TENM2: variants seen among roughly 807,000 people sequenced by gnomAD.
TENM2 encodes teneurin-2.
A neutral mutation model predicts 245.2 loss-of-function variants in TENM2; 52 were observed. The observed-to-expected ratio is 0.21, with a 90% CI of 0.17 to 0.27. The LOEUF is 0.27. Among genes scored for constraint, TENM2 ranks in the 10% least tolerant of loss-of-function variants. TENM2 has a pLI of 1.00. For missense variants in TENM2, 3,046 were observed against 3,666.8 expected, an observed-to-expected ratio of 0.83 and a Z score of 4.37; for synonymous variants, 1,363 against 1,438.9, an observed-to-expected ratio of 0.95 and a Z score of 1.19.
At chr5:167,570,607 T>TA (rs139594697) in intron 2 of TENM2, among the ~76,000 whole-genome samples, 4,369 of 152,248 alleles carry the variant, frequency 0.029, 206 homozygotes, top group African/African-American at 0.099. Context: ...AAGGCGGTGT[T>TA]ACGATCTCTG....
At chr5:168,195,384 TC>T in intron 15 of TENM2, 89 bp downstream of exon 17, 1 of 1,468,342 alleles carries the variant, frequency 6.8e-7, no homozygotes, top group Non-Finnish European at 9.2e-7. Context: ...ACCACAGGAT[TC>T]CCCCTGGTGG....
At chr5:167,698,672 G>GTTTTTT (rs1561683344) in intron 2 of TENM2, among the ~76,000 whole-genome samples, 14 of 102,082 alleles carry the variant, frequency 1.4e-4, no homozygotes, top group African/African-American at 5.4e-4. Context: ...GTTTTGTTTT[G>GTTTTTT]TTTTTTGTTT....
chr5:167,639,970 G>A (rs576539718), intron 2 of TENM2, among the ~76,000 whole-genome samples: 1 of 152,158 alleles, frequency 6.6e-6, no homozygotes, highest in Non-Finnish European at 1.5e-5. Flanking sequence ...TTGCATCTAT[G>A]ATTTGTCACC....
intron 2 of TENM2, among the ~76,000 whole-genome samples, chr5:167,690,189 T>C (rs1757335363): frequency 6.6e-6 from 1 of 151,150 alleles, no homozygotes; most frequent in East Asian, 1.9e-4. Context: ...ATGCTGTATA[T>C]GATCACTTCC....
At chr5:168,125,488 C>G (rs142569688) in intron 11 of TENM2, among the ~76,000 whole-genome samples, 147 of 152,260 alleles carry the variant, frequency 9.7e-4, no homozygotes, top group African/African-American at 3.4e-3. Context: ...TCGCGCTGTA[C>G]ACTTCATTTT....
intron 13 of TENM2, among the ~76,000 whole-genome samples, chr5:168,172,525 C>G (rs913457266): frequency 2.6e-5 from 4 of 152,096 alleles, no homozygotes; most frequent in African/African-American, 9.7e-5. Context: ...GCTCCCACGG[C>G]GAAAACATAG....
At chr5:167,351,560 G>A (rs1243650447) in intron 1 of TENM2, among the ~76,000 whole-genome samples, 1 of 152,174 alleles carries the variant, frequency 6.6e-6, no homozygotes, top group Non-Finnish European at 1.5e-5. Context: ...ACTAATTCCG[G>A]TGGACAGTTA....
At chr5:167,597,193 T>A (rs921172134) in intron 2 of TENM2, among the ~76,000 whole-genome samples, 3 of 148,728 alleles carry the variant, frequency 2.0e-5, no homozygotes, top group Non-Finnish European at 3.0e-5. Context: ...GAGACAAAGT[T>A]TTTCTCAGTT....
intron 3 of TENM2, among the ~76,000 whole-genome samples, chr5:167,919,762 C>A (rs1330991578): frequency 1.3e-5 from 2 of 152,156 alleles, no homozygotes; most frequent in African/African-American, 2.4e-5. Flanking sequence ...TTATGAGAAG[C>A]AAACTGAAAA....
intron 12 of TENM2, among the ~76,000 whole-genome samples, chr5:168,144,230 G>A (rs1283737582): frequency 4.0e-5 from 6 of 151,650 alleles, no homozygotes; most frequent in South Asian, 2.1e-4. Flanking sequence ...TGCACATTGT[G>A]CAGGTTAGTT....
chr5:167,458,098 T>C (rs764782682), intron 2 of TENM2, among the ~76,000 whole-genome samples: 1 of 152,164 alleles, frequency 6.6e-6, no homozygotes, highest in Non-Finnish European at 1.5e-5. Context: ...GTTCTTTACA[T>C]TCCCAAACTT....
At chr5:167,956,621 C>A (rs62085739) in intron 4 of TENM2, among the ~76,000 whole-genome samples, 165 of 152,196 alleles carry the variant, frequency 1.1e-3, no homozygotes, top group African/African-American at 3.7e-3. Context: ...TCATAAATAA[C>A]TCTTATTATT....
chr5:167,390,949 A>G (rs1228504756), intron 2 of TENM2, among the ~76,000 whole-genome samples: 1 of 152,118 alleles, frequency 6.6e-6, no homozygotes, highest in Non-Finnish European at 1.5e-5. Context: ...CTTCTCTTCT[A>G]AATATATTTT....
chr5:167,035,347 G>C, the TENM2 span, among the ~76,000 whole-genome samples: 1 of 152,126 alleles, frequency 6.6e-6, no homozygotes, highest in Non-Finnish European at 1.5e-5. Flanking sequence ...TTCATAATTC[G>C]AGGACTAATA....
At chr5:167,620,460 G>T (rs1778086336) in intron 2 of TENM2, among the ~76,000 whole-genome samples, 1 of 150,462 alleles carries the variant, frequency 6.6e-6, no homozygotes, top group Admixed American at 6.7e-5. Flanking sequence ...TTGTGAATAG[G>T]TTGGGATTAT....
chr5:168,011,594 GTATAGCT>G, intron 5 of TENM2, among the ~76,000 whole-genome samples: 1 of 152,204 alleles, frequency 6.6e-6, no homozygotes, highest in East Asian at 1.9e-4. Context: ...ATATTGCCCT[GTATAGCT>G]CATCTTTGGC....
At chr5:167,533,274 C>G (rs1400117048) in intron 2 of TENM2, among the ~76,000 whole-genome samples, 3 of 152,032 alleles carry the variant, frequency 2.0e-5, no homozygotes, top group African/African-American at 7.2e-5. Context: ...GAAAAACAAG[C>G]CAATGAACTT....
At chr5:167,773,980 T>A (rs186485116) in intron 2 of TENM2, among the ~76,000 whole-genome samples, 48 of 152,180 alleles carry the variant, frequency 3.2e-4, no homozygotes, top group African/African-American at 1.2e-3. Flanking sequence ...GCTGAAGGGT[T>A]CTCGACTGTG....
intron 1 of TENM2, among the ~76,000 whole-genome samples, chr5:167,319,277 T>C (rs1756573023): frequency 6.6e-6 from 1 of 152,186 alleles, no homozygotes; most frequent in South Asian, 2.1e-4. Context: ...CTTGAGCAAG[T>C]GAATACATTT....
Sources: gnomAD v4.1 joint callset for allele counts (sites outside exome capture counted in the v4.1 genomes callset) on GRCh38, gnomAD v4.1.1 for gene constraint, MANE v1.5 for transcripts, NCBI Gene and HGNC (gene_info 2026-07-23, HGNC 2026-07-21) for gene names.